Variants in SGCZ observed in about 807,000 individuals in gnomAD.
SGCZ encodes sarcoglycan zeta.
A neutral mutation model predicts 41.3 loss-of-function variants in SGCZ; 40 were observed. That is an observed-to-expected ratio of 0.97 (90% CI 0.75 to 1.26). SGCZ has a LOEUF of 1.26. Ranked by LOEUF, SGCZ falls within the 50% of genes most tolerant of loss-of-function variation. SGCZ has a pLI of 0.00. For synonymous variants in SGCZ, 206 were observed against 137.5 expected (o/e 1.50, Z -3.49); for missense variants, 552 against 369.8 (o/e 1.49, Z -4.04).
chr8:14,718,524 T>A (rs749027588), intron 1 of SGCZ, among the ~76,000 whole-genome samples: 2 of 152,106 alleles, frequency 1.3e-5, no homozygotes, highest in Non-Finnish European at 2.9e-5. Flanking sequence ...ATAAATTAAA[T>A]ATTGAAATCC....
chr8:15,115,916 C>G (rs1807252128), intron 1 of SGCZ, among the ~76,000 whole-genome samples: 1 of 152,206 alleles, frequency 6.6e-6, no homozygotes. Flanking sequence ...AAACTACAAG[C>G]TGAAGCCTCT....
intron 2 of SGCZ, among the ~76,000 whole-genome samples, chr8:14,446,083 G>A (rs992668147): frequency 1.3e-5 from 2 of 152,152 alleles, no homozygotes; most frequent in African/African-American, 4.8e-5. Flanking sequence ...TGAATCAGTT[G>A]TGCCATTTTT....
At chr8:14,273,646 C>A (rs987575680) in intron 3 of SGCZ, among the ~76,000 whole-genome samples, 1 of 151,998 alleles carries the variant, frequency 6.6e-6, no homozygotes, top group Non-Finnish European at 1.5e-5. Flanking sequence ...ACAAGAAAAT[C>A]CAAAGGTCTG....
At chr8:15,066,465 G>T (rs995884797) in intron 1 of SGCZ, among the ~76,000 whole-genome samples, 1 of 151,914 alleles carries the variant, frequency 6.6e-6, no homozygotes, top group Non-Finnish European at 1.5e-5. Flanking sequence ...AATCTGTAAA[G>T]ATAATGCACT....
In SGCZ at chr8:14,554,835, C is replaced by A. The variant is rs1234244611; in HGVS notation, c.131G>T (p.Trp44Leu). 3 of 1,613,074 alleles carry A rather than the reference C, an allele frequency of 1.9e-6. No homozygotes were observed. The highest frequency in any genetic ancestry group is 3.3e-5 in the Admixed American group (2 of 59,860). ...AQLYPVGIYG[W>L]RKRCLYFFVL... is the part of the protein sequence containing the mutation. ...AAAGAAGTATAAGCACCTCTTTCGC[C>A]ATCCATAAATTCCCACTGGGTAAAG... The change falls in exon 2 of 8, where the codon TGG becomes TTG. Residue 44 changes from tryptophan to leucine, a missense_variant. Trp to Leu is a moderately conservative substitution (Grantham distance 61). Transcript: ENST00000382080.
At chr8:14,881,213 T>C (rs1804573858) in intron 1 of SGCZ, among the ~76,000 whole-genome samples, 1 of 152,130 alleles carries the variant, frequency 6.6e-6, no homozygotes, top group Admixed American at 6.6e-5. Context: ...TAATGACAAG[T>C]ATGTTTTAGA....
intron 1 of SGCZ, among the ~76,000 whole-genome samples, chr8:14,913,231 C>T (rs1799329704): frequency 1.3e-5 from 2 of 152,016 alleles, no homozygotes; most frequent in African/African-American, 4.8e-5. Flanking sequence ...GACATATTTG[C>T]ATGAACTTCA....
At chr8:14,544,448 G>T (rs567086380) in intron 2 of SGCZ, among the ~76,000 whole-genome samples, 10 of 152,200 alleles carry the variant, frequency 6.6e-5, no homozygotes, top group Non-Finnish European at 1.5e-4. Flanking sequence ...AAAAACAGCC[G>T]TATTTTCCTT....
chr8:14,318,529 G>C (rs1801796956), intron 3 of SGCZ, among the ~76,000 whole-genome samples: 2 of 151,980 alleles, frequency 1.3e-5, no homozygotes, highest in South Asian at 4.1e-4. Context: ...ATAAACTAAT[G>C]TGGATAGAGA....
intron 4 of SGCZ, among the ~76,000 whole-genome samples, chr8:14,167,794 T>G (rs1047339514): frequency 6.6e-6 from 1 of 152,174 alleles, no homozygotes; most frequent in Non-Finnish European, 1.5e-5. Context: ...TTTTGAACAT[T>G]CACATCTGTT....
rs981980602 is a variant in SGCZ at position 14,613,191 on chromosome 8, G to A, written c.40-58265C>T. Among the ~76,000 whole-genome samples the A allele has an allele frequency of 2.6e-5, 4 of 152,234 alleles. No individual in the cohort carries two copies. The East Asian group carries it at 7.8e-4, about 30-fold the overall frequency. On this transcript the variant is annotated intron_variant, in intron 1 of 7. Transcript: ENST00000382080. ...ATAGAGCCTTGGAGGACCTAAATGA[G>A]AGGTCACAACATAATTTTTATAATG... is the stretch of plus-strand genomic sequence containing the variant.
chr8:15,148,361 A>G (rs1021645347), intron 1 of SGCZ, among the ~76,000 whole-genome samples: 2 of 152,152 alleles, frequency 1.3e-5, no homozygotes, highest in Admixed American at 1.3e-4. Context: ...CATTCTGGAA[A>G]AAGATGCCTC....
At chr8:14,941,806 T>C (rs1243307929) in intron 1 of SGCZ, among the ~76,000 whole-genome samples, 1 of 151,632 alleles carries the variant, frequency 6.6e-6, no homozygotes, top group Non-Finnish European at 1.5e-5. Flanking sequence ...ATGTCATATA[T>C]ATGTAATATA....
At chr8:14,865,998 G>T (rs1387360875) in intron 1 of SGCZ, among the ~76,000 whole-genome samples, 2 of 152,088 alleles carry the variant, frequency 1.3e-5, no homozygotes, top group Non-Finnish European at 2.9e-5. Context: ...AAATTGGGTT[G>T]TGAATGATTT....
intron 1 of SGCZ, among the ~76,000 whole-genome samples, chr8:15,209,138 G>T (rs1019467949): frequency 6.6e-6 from 1 of 151,898 alleles, no homozygotes; most frequent in African/African-American, 2.4e-5. Context: ...GGATGATTTA[G>T]ATTAAATGAC....
rs1585225563 is a variant in SGCZ, at chr8:14,744,472, A to C, written c.40-189546T>G. On this transcript the variant is annotated intron_variant, in intron 1 of 7. Transcript: ENST00000382080. ...CATTTGGAGAAATGCATCCATATCA[A>C]AATTTACCCTGGACCCCATTCCAAC... 3.3e-5 allele frequency among the ~76,000 whole-genome samples: 5 copies of C among 152,224 alleles called. No individual in the cohort carries two copies. In the South Asian group the frequency reaches 1.0e-3, roughly 32 times the overall value.
At chr8:14,855,690 G>A (rs117129627) in intron 1 of SGCZ, among the ~76,000 whole-genome samples, 1 of 152,186 alleles carries the variant, frequency 6.6e-6, no homozygotes, top group South Asian at 2.1e-4. Flanking sequence ...AATGCCAACA[G>A]AGGCCTGAGT....
At chr8:14,996,664 C>A (rs953265088) in intron 1 of SGCZ, among the ~76,000 whole-genome samples, 1 of 152,206 alleles carries the variant, frequency 6.6e-6, no homozygotes, top group Non-Finnish European at 1.5e-5. Flanking sequence ...TTCCAGTATT[C>A]TCTCAAAGTT....
Position 15,237,692 on chromosome 8 carries a change from T to C in SGCZ, c.-69A>G. 1.3e-6 allele frequency: 2 copies of C among 1,530,974 alleles called. No individual in the cohort carries two copies. The highest frequency in any genetic ancestry group is 1.8e-6 in the Non-Finnish European group (2 of 1,128,434). 94.8% of individuals were successfully genotyped at this position (1,530,974 alleles called of 1,614,324 possible). On this transcript the variant is annotated 5_prime_UTR_variant, in exon 1 of 8. Coordinates refer to ENST00000382080, the MANE Select transcript of SGCZ (RefSeq NM_139167.4). ...CCCAAAAACAATCTAGTCTTTTAGT[T>C]TCCAGCTTAAACTCAGCTTTATCCT...
Sources: gnomAD v4.1 joint callset for allele counts (sites outside exome capture counted in the v4.1 genomes callset) on GRCh38, gnomAD v4.1.1 for gene constraint, MANE v1.5 for transcripts, NCBI Gene and HGNC (gene_info 2026-07-23, HGNC 2026-07-21) for gene names.